The following MAPK8 variants were observed in gnomAD, a reference collection of about 807,000 sequenced individuals.
MAPK8 encodes the protein JUN N-terminal kinase.
In MAPK8, 13 loss-of-function variants were observed where a neutral mutation model predicts 52.9. The observed-to-expected ratio is 0.25, with a 90% CI of 0.16 to 0.39. The LOEUF is 0.39. Among genes scored for constraint, MAPK8 ranks in the 10% least tolerant of loss-of-function variants. The pLI, the probability that MAPK8 is intolerant of heterozygous loss-of-function variation, is 1.00. For missense variants in MAPK8, 300 were observed against 519.2 expected, an observed-to-expected ratio of 0.58 and a Z score of 4.10; for synonymous variants, 191 against 169.8, an observed-to-expected ratio of 1.12 and a Z score of -0.97.
intron 1 of MAPK8, among the ~76,000 whole-genome samples, chr10:48,400,308 C>T (rs1335661177): frequency 6.6e-6 from 1 of 152,164 alleles, no homozygotes; most frequent in Non-Finnish European, 1.5e-5. Flanking sequence ...GTATCCAAGT[C>T]TAATTCCTCA....
At chr10:48,428,474 A>T (rs2043859355) in intron 10 of MAPK8, among the ~76,000 whole-genome samples, 1 of 152,144 alleles carries the variant, frequency 6.6e-6, no homozygotes, top group South Asian at 2.1e-4. Flanking sequence ...AGGAAAGGGG[A>T]CTGGGGAGGT....
intron 1 of MAPK8, among the ~76,000 whole-genome samples, chr10:48,346,500 A>G (rs995361027): frequency 3.3e-5 from 5 of 152,242 alleles, no homozygotes; most frequent in Admixed American, 6.5e-5. Context: ...GTCCAGCAGT[A>G]GCAAAAGGTG....
intron 1 of MAPK8, among the ~76,000 whole-genome samples, chr10:48,390,106 T>A (rs2041540740): frequency 6.6e-6 from 1 of 152,070 alleles, no homozygotes; most frequent in Non-Finnish European, 1.5e-5. Flanking sequence ...AGCTGATGTT[T>A]CAGTTTGAGT....
chr10:48,319,681 A>G (rs1410199313), intron 1 of MAPK8, among the ~76,000 whole-genome samples: 2 of 151,894 alleles, frequency 1.3e-5, no homozygotes, highest in Non-Finnish European at 1.5e-5. Context: ...TAGTAGAAAC[A>G]GGGTTTCACC....
At chr10:48,394,383 G>A (rs1371980932) in intron 1 of MAPK8, among the ~76,000 whole-genome samples, 7 of 151,832 alleles carry the variant, frequency 4.6e-5, no homozygotes, top group African/African-American at 1.7e-4. Context: ...ACATAAAAAG[G>A]ATAATATTTT....
At chr10:48,374,959 C>T (rs1564547753) in intron 1 of MAPK8, among the ~76,000 whole-genome samples, 1 of 152,162 alleles carries the variant, frequency 6.6e-6, no homozygotes, top group Non-Finnish European at 1.5e-5. Context: ...AGGCCAATAT[C>T]CCTGATGAAC....
Position 48,401,762 on chromosome 10 carries a change from A to T in MAPK8, c.102A>T (p.Ser34=). 1.3e-6 allele frequency: 2 copies of T among 1,525,624 alleles called. No individual in the cohort carries two copies. Among genetic ancestry groups the T allele is most frequent in the Non-Finnish European group, 1.8e-6 (2 of 1,142,634 alleles). 94.5% of individuals were successfully genotyped at this position (1,525,624 alleles called of 1,614,324 possible). A position where few individuals can be genotyped will look rare whatever the true frequency, so the allele number is the denominator to read the frequency against. ...ATCAGAATTTAAAACCTATAGGCTC[A>T]GGAGCTCAAGGAATAGTATGGTAAG... ...KRYQNLKPIG[S]GAQGIVCAAY... Residue 34 remains serine, a synonymous_variant, in exon 2 of 12, where the codon TCA becomes TCT. Coordinates refer to ENST00000374189, the MANE Select transcript of MAPK8 (RefSeq NM_001323329.2).
intron 1 of MAPK8, among the ~76,000 whole-genome samples, chr10:48,379,184 T>G (rs1589127889): frequency 6.6e-6 from 1 of 152,222 alleles, no homozygotes; most frequent in African/African-American, 2.4e-5. Flanking sequence ...TGGTGAATTC[T>G]TCTCTTCTTG....
intron 5 of MAPK8, among the ~76,000 whole-genome samples, chr10:48,412,069 C>G (rs980902010): frequency 1.3e-5 from 2 of 152,214 alleles, no homozygotes; most frequent in African/African-American, 4.8e-5. Context: ...TGGTCTCGAA[C>G]CCCTGACCTC....
chr10:48,362,657 G>C (rs886868600), intron 1 of MAPK8, among the ~76,000 whole-genome samples: 16 of 151,202 alleles, frequency 1.1e-4, no homozygotes, highest in African/African-American at 3.6e-4. Flanking sequence ...TTATGAACAA[G>C]AAAAATGTGC....
chr10:48,368,978 G>T (rs78479379), intron 1 of MAPK8, among the ~76,000 whole-genome samples: 3,450 of 152,230 alleles, frequency 0.023, 142 homozygotes, highest in African/African-American at 0.079. Flanking sequence ...GAGAGAGTCT[G>T]ACTGGTTCCT....
intron 1 of MAPK8, among the ~76,000 whole-genome samples, chr10:48,314,918 C>A (rs975982891): frequency 3.9e-5 from 6 of 152,120 alleles, no homozygotes; most frequent in African/African-American, 1.4e-4. Context: ...GATATCCATC[C>A]ATTTGTCCCT....
At chr10:48,431,612 T>G (rs1322247014) in intron 11 of MAPK8, among the ~76,000 whole-genome samples, 1 of 152,186 alleles carries the variant, frequency 6.6e-6, no homozygotes, top group African/African-American at 2.4e-5. Context: ...TTTGGATAAA[T>G]AAAAGCTTCA....
At chr10:48,404,457 C>T (rs191850265) in intron 2 of MAPK8, among the ~76,000 whole-genome samples, 5 of 152,102 alleles carry the variant, frequency 3.3e-5, no homozygotes, top group African/African-American at 7.2e-5. Flanking sequence ...CACCCAGCCT[C>T]GTATGCATTC....
At chr10:48,364,931 A>G (rs923294654) in intron 1 of MAPK8, among the ~76,000 whole-genome samples, 2 of 152,164 alleles carry the variant, frequency 1.3e-5, no homozygotes, top group African/African-American at 2.4e-5. Flanking sequence ...CAAACACTAT[A>G]AAATTGATTT....
intron 2 of MAPK8, among the ~76,000 whole-genome samples, chr10:48,403,971 G>C (rs1972949): frequency 0.51 from 74,402 of 147,210 alleles, 19,320 homozygotes; most frequent in Middle Eastern, 0.72. Flanking sequence ...TTTTAGTAGA[G>C]ACAGGGTTTC....
chr10:48,351,732 C>T (rs1423153017), intron 1 of MAPK8, among the ~76,000 whole-genome samples: 1 of 152,054 alleles, frequency 6.6e-6, no homozygotes, highest in East Asian at 1.9e-4. Flanking sequence ...CACAAATCAT[C>T]AGGAGTAAAA....
chr10:48,427,397 C>CA, intron 10 of MAPK8: 1 of 374,624 alleles, frequency 2.7e-6, no homozygotes, highest in East Asian at 5.4e-5. Flanking sequence ...TGTGAATACA[C>CA]AAATGTGTTT....
intron 1 of MAPK8, among the ~76,000 whole-genome samples, chr10:48,373,456 G>A (rs774878893): frequency 2.7e-5 from 4 of 150,200 alleles, no homozygotes; most frequent in Non-Finnish European, 4.4e-5. Flanking sequence ...TGGCAAATTC[G>A]TTAAAGAGTC....
Sources: allele counts gnomAD v4.1 joint callset (sites outside exome capture counted in the v4.1 genomes callset), GRCh38; gene constraint gnomAD v4.1.1; transcripts MANE v1.5; gene names NCBI Gene and HGNC (gene_info 2026-07-23, HGNC 2026-07-21).